Variants in IVD observed in about 807,000 individuals in gnomAD.
IVD encodes isovaleryl-CoA dehydrogenase, mitochondrial.
In IVD, 31 loss-of-function variants were observed where a neutral mutation model predicts 51.3. That is an observed-to-expected ratio of 0.60 (90% CI 0.45 to 0.81). The LOEUF is 0.81. Ranked by LOEUF, IVD falls within the 40% of genes least tolerant of loss-of-function variation. The pLI, the probability that IVD is intolerant of heterozygous loss-of-function variation, is 0.00. For missense variants in IVD, 475 were observed against 552.0 expected, an observed-to-expected ratio of 0.86 and a Z score of 1.40; for synonymous variants, 205 against 219.4, an observed-to-expected ratio of 0.93 and a Z score of 0.58.
intron 11 of IVD, among the ~76,000 whole-genome samples, chr15:40,417,010 G>A (rs1175084964): frequency 2.0e-5 from 3 of 150,302 alleles, no homozygotes; most frequent in African/African-American, 4.9e-5. Flanking sequence ...GACCAGCCTG[G>A]CCAACATGGT....
rs1230450614 is a variant in IVD, at chr15:40,421,180, T to A, written c.*2917T>A. On this transcript the variant is annotated 3_prime_UTR_variant, in exon 12 of 12. Coordinates refer to ENST00000487418, the MANE Select transcript of IVD (RefSeq NM_002225.5). ...GCTGGAGAGACCAGCCTGGAGACAA[T>A]GTGGCAAAATGGGGCGCTTCATCCA... 1.0e-6 allele frequency: 1 copy of A among 985,426 alleles called. No individual in the cohort carries two copies. 61.0% of individuals were successfully genotyped at this position (985,426 alleles called of 1,614,324 possible). A position where few individuals can be genotyped will look rare whatever the true frequency, so the allele number is the denominator to read the frequency against.
At chr15:40,421,714 T>G (rs758419370), downstream of IVD, among the ~76,000 whole-genome samples, 2 of 152,184 alleles carry the variant, frequency 1.3e-5, no homozygotes, top group African/African-American at 2.4e-5. Flanking sequence ...GCCTAAGTCC[T>G]AATTCTAAAT....
At chr15:40,430,379 C>T (rs959600498) in intron 7 of IVD, among the ~76,000 whole-genome samples, 2 of 152,164 alleles carry the variant, frequency 1.3e-5, no homozygotes, top group Admixed American at 6.5e-5. Context: ...TTGCAGGTTG[C>T]GGAGTGTGAC....
At chr15:40,406,071 GC>G (rs1409171058) in intron 1 of IVD, 100 bp downstream of exon 1, 2 of 1,501,984 alleles carry the variant, frequency 1.3e-6, no homozygotes, top group Non-Finnish European at 1.8e-6. Flanking sequence ...CGCCCACCCA[GC>G]CTTGGCTTTT....
At chr15:40,413,196 G>A in intron 7 of IVD, 109 bp downstream of exon 7, 1 of 863,374 alleles carries the variant, frequency 1.2e-6, no homozygotes, top group Non-Finnish European at 1.9e-6. Flanking sequence ...GGCATTGTTA[G>A]CGCTTCAGTG....
chr15:40,406,155 C>A, intron 1 of IVD, 184 bp downstream of exon 1: 1 of 1,539,670 alleles, frequency 6.5e-7, no homozygotes, highest in Non-Finnish European at 8.7e-7. Context: ...AGTCCTCTGA[C>A]CTCGGCCTCA....
chr15:40,412,971 AC>A lies in IVD; in HGVS notation c.688-18del, dbSNP rs1312687141. The A allele has an allele frequency of 6.2e-7, 1 of 1,607,936 alleles. No homozygotes were observed. The highest frequency in any genetic ancestry group is 8.5e-7 in the Non-Finnish European group (1 of 1,174,390). ...TTGGGGCTAATCTGTAACCAGGACC[AC>A]CTTTTGTTTCCTGTAAAGGGTATGC... On this transcript the variant is annotated intron_variant, in intron 6 of 11. Coordinates refer to ENST00000487418, the MANE Select transcript of IVD (RefSeq NM_002225.5).
chr15:40,423,064 C>T (rs1369104617), downstream of IVD, among the ~76,000 whole-genome samples: 1 of 151,706 alleles, frequency 6.6e-6, no homozygotes, highest in Non-Finnish European at 1.5e-5. Flanking sequence ...CCCAGCCCCC[C>T]AGTAGCTGGA....
At chr15:40,426,917 C>T (rs558500213), downstream of IVD, among the ~76,000 whole-genome samples, 4 of 152,186 alleles carry the variant, frequency 2.6e-5, no homozygotes, top group African/African-American at 7.2e-5. Context: ...GGGCGACGGG[C>T]TGGGGAGATG....
intron 7 of IVD, chr15:40,414,296 T>C (rs1466317108): frequency 1.2e-5 from 2 of 160,938 alleles, no homozygotes; most frequent in African/African-American, 2.4e-5. Flanking sequence ...TCCTTCTTTG[T>C]TGACAGGAAA....
intron 3 of IVD, among the ~76,000 whole-genome samples, 166 bp downstream of exon 3, chr15:40,408,156 A>G (rs1241317227): frequency 6.6e-6 from 1 of 152,150 alleles, no homozygotes; most frequent in Non-Finnish European, 1.5e-5. Flanking sequence ...AGAACAGGAC[A>G]CTCTTCTATT....
At chr15:40,433,663 T>C (rs1893107322) in intron 7 of IVD, among the ~76,000 whole-genome samples, 1 of 152,196 alleles carries the variant, frequency 6.6e-6, no homozygotes, top group South Asian at 2.1e-4. Context: ...AGAAATGTCA[T>C]GTTTCTTGGA....
intron 1 of IVD, chr15:40,406,187 A>G: frequency 6.5e-7 from 1 of 1,533,502 alleles, no homozygotes; most frequent in Non-Finnish European, 8.8e-7. Context: ...TGAAGATTTG[A>G]GACCGTGGGA....
At chr15:40,434,280 T>C (rs991891379) in intron 8 of IVD, among the ~76,000 whole-genome samples, 1 of 152,230 alleles carries the variant, frequency 6.6e-6, no homozygotes, top group African/African-American at 2.4e-5. Context: ...TGGCCCCTAA[T>C]TTTAATCTTT....
intron 3 of IVD, among the ~76,000 whole-genome samples, chr15:40,408,650 C>T (rs554312226): frequency 1.4e-4 from 22 of 152,058 alleles, no homozygotes; most frequent in South Asian, 1.2e-3. Flanking sequence ...TTGCAGTGCC[C>T]GGTAAAGAGA....
chr15:40,431,852 T>C (rs200234020), intron 7 of IVD, among the ~76,000 whole-genome samples: 1 of 151,754 alleles, frequency 6.6e-6, no homozygotes, highest in African/African-American at 2.4e-5. Flanking sequence ...CAAAGAAGAG[T>C]TGTTGTCTAT....
At position 40,409,838 on chromosome 15, in the gene IVD, T is replaced by TC. The variant is rs202230027; in HGVS notation, c.287-790_287-789insC. On this transcript the variant is annotated intron_variant, in intron 3 of 11. Coordinates refer to ENST00000487418, the MANE Select transcript of IVD (RefSeq NM_002225.5). ...CTGTCACCAGTCCTGCTTCTTTCTT[T>TC]TTTTTTTTTTTTTTTTGAGACAGAA... Among the ~76,000 whole-genome samples the TC allele has an allele frequency of 5.0e-3, 726 of 146,408 alleles. 5 individuals carry two copies. Among genetic ancestry groups the TC allele is most frequent in the African/African-American group, 0.017 (669 of 40,174 alleles).
downstream of IVD, chr15:40,435,643 G>C: frequency 3.8e-6 from 4 of 1,056,336 alleles, no homozygotes; most frequent in Non-Finnish European, 4.6e-6. Flanking sequence ...AGAGCTCCTT[G>C]GCAGGGTTTA....
intron 3 of IVD, among the ~76,000 whole-genome samples, chr15:40,408,819 A>C (rs763493746): frequency 1.1e-4 from 16 of 152,156 alleles, no homozygotes; most frequent in Non-Finnish European, 1.2e-4. Flanking sequence ...TCATGGTGGT[A>C]CATCCCTGTA....
Sources: gnomAD v4.1 joint callset for allele counts (sites outside exome capture counted in the v4.1 genomes callset) on GRCh38, gnomAD v4.1.1 for gene constraint, MANE v1.5 for transcripts, NCBI Gene and HGNC (gene_info 2026-07-23, HGNC 2026-07-21) for gene names.